The following ROBO2 variants were observed in gnomAD, a reference collection of about 807,000 sequenced individuals.
ROBO2 encodes roundabout guidance receptor 2, also known as roundabout homolog 2.
ROBO2 carries 53 observed loss-of-function variants against 160.8 expected under a neutral mutation model. The ratio of observed to expected loss-of-function variants is 0.33; its 90% CI spans 0.26 to 0.41. The LOEUF (loss-of-function observed/expected upper bound fraction) is 0.41, where lower values mean the gene tolerates loss of function less well. Ranked by LOEUF, ROBO2 falls within the 10% of genes least tolerant of loss-of-function variation. ROBO2 has a pLI of 1.00. For synonymous variants in ROBO2, 664 were observed against 611.7 expected (o/e 1.09, Z -1.26); for missense variants, 1,577 against 1,722.4 (o/e 0.92, Z 1.49).
intron 2 of ROBO2, among the ~76,000 whole-genome samples, chr3:77,475,576 A>G (rs925915541): frequency 2.0e-5 from 3 of 152,182 alleles, no homozygotes; most frequent in Admixed American, 6.5e-5. Context: ...CAGCTGTGCC[A>G]TTTTGGAACA....
chr3:77,251,456 T>A (rs779304127), intron 2 of ROBO2, among the ~76,000 whole-genome samples: 1 of 152,130 alleles, frequency 6.6e-6, no homozygotes, highest in African/African-American at 2.4e-5. Context: ...AAAACGTTGC[T>A]CTCAACGCCC....
chr3:76,810,276 C>T (rs140530019), intron 2 of ROBO2, among the ~76,000 whole-genome samples: 180 of 152,184 alleles, frequency 1.2e-3, no homozygotes, highest in African/African-American at 4.0e-3. Context: ...TTCAGTAACA[C>T]GGAGGAAGGT....
chr3:76,666,903 G>A (rs2092070962), intron 2 of ROBO2, among the ~76,000 whole-genome samples: 1 of 151,880 alleles, frequency 6.6e-6, no homozygotes, highest in African/African-American at 2.4e-5. Context: ...ATTTCATCAA[G>A]AGTTTACTGA....
At chr3:77,068,162 C>T (rs1172425501) in intron 1 of ROBO2, among the ~76,000 whole-genome samples, 1 of 152,006 alleles carries the variant, frequency 6.6e-6, no homozygotes, top group African/African-American at 2.4e-5. Context: ...AGAGGCTGCC[C>T]TTTATTTTTG....
At chr3:76,333,245 G>T (rs2108052656) in intron 2 of ROBO2, among the ~76,000 whole-genome samples, 1 of 152,274 alleles carries the variant, frequency 6.6e-6, no homozygotes, top group South Asian at 2.1e-4. Flanking sequence ...TGCCCGAGAA[G>T]GTTGTTGTGA....
intron 2 of ROBO2, among the ~76,000 whole-genome samples, chr3:76,888,004 A>G (rs759621075): frequency 3.3e-5 from 5 of 152,190 alleles, no homozygotes; most frequent in Non-Finnish European, 7.3e-5. Flanking sequence ...CTTTACCTAC[A>G]TTCGAATTAA....
intron 2 of ROBO2, among the ~76,000 whole-genome samples, chr3:76,869,890 C>T (rs563866860): frequency 6.6e-6 from 1 of 152,160 alleles, no homozygotes; most frequent in East Asian, 1.9e-4. Context: ...TAGAGGGGCC[C>T]TTTAACAATT....
At chr3:76,353,608 G>C (rs1433813312) in intron 2 of ROBO2, among the ~76,000 whole-genome samples, 2 of 151,842 alleles carry the variant, frequency 1.3e-5, no homozygotes, top group African/African-American at 4.8e-5. Flanking sequence ...AGCAGAAAAT[G>C]AAGAAGTCTA....
intron 2 of ROBO2, among the ~76,000 whole-genome samples, chr3:76,447,992 T>C (rs1042761096): frequency 6.6e-6 from 1 of 151,616 alleles, no homozygotes; most frequent in South Asian, 2.1e-4. Context: ...TGTATACATA[T>C]GTAACAAACC....
chr3:76,965,985 C>T lies in ROBO2; in HGVS notation c.110-132029C>T, dbSNP rs76227805. ...TTGCCCAGGCTGGAGTGCAATGGCGCGATCTTGGCTCACCACAACCTCCGC... is the reference window on the plus strand; with the variant it reads ...TTGCCCAGGCTGGAGTGCAATGGCGTGATCTTGGCTCACCACAACCTCCGC... On this transcript the variant is annotated intron_variant, in intron 2 of 26. Transcript: ENST00000487694. 4.0e-3 allele frequency among the ~76,000 whole-genome samples: 586 copies of T among 144,802 alleles called. 9 individuals are homozygous for T. The highest frequency in any genetic ancestry group is 0.036 in the East Asian group (176 of 4,894). The allele number at this position is 144,802 out of a possible 152,430, so 95.0% of individuals were successfully genotyped here.
At chr3:77,499,452 A>T (rs2087230904) in intron 5 of ROBO2, among the ~76,000 whole-genome samples, 1 of 152,164 alleles carries the variant, frequency 6.6e-6, no homozygotes, top group Non-Finnish European at 1.5e-5. Flanking sequence ...CAATGGATGC[A>T]CATACATGGT....
At chr3:76,034,801 G>A (rs2067049119) in intron 2 of ROBO2, among the ~76,000 whole-genome samples, 1 of 152,042 alleles carries the variant, frequency 6.6e-6, no homozygotes, top group Non-Finnish European at 1.5e-5. Flanking sequence ...CCTGGTTCCA[G>A]CTATCATTCA....
intron 18 of ROBO2, among the ~76,000 whole-genome samples, chr3:77,596,169 T>C (rs1041061443): frequency 1.8e-4 from 28 of 152,122 alleles, no homozygotes; most frequent in Non-Finnish European, 5.9e-5. Context: ...GTTCCTTGCC[T>C]CCAAATCAAG....
At chr3:76,796,794 A>G (rs1396472046) in intron 2 of ROBO2, among the ~76,000 whole-genome samples, 1 of 152,080 alleles carries the variant, frequency 6.6e-6, no homozygotes, top group Non-Finnish European at 1.5e-5. Flanking sequence ...AAGAGCAGGT[A>G]TATCTACATT....
At chr3:77,078,442 T>A (rs2149899646) in intron 1 of ROBO2, among the ~76,000 whole-genome samples, 1 of 152,312 alleles carries the variant, frequency 6.6e-6, no homozygotes, top group South Asian at 2.1e-4. Flanking sequence ...GTTAGCAATT[T>A]GCCCACAGTT....
intron 2 of ROBO2, among the ~76,000 whole-genome samples, chr3:76,795,912 G>A (rs1190607801): frequency 6.6e-6 from 1 of 152,054 alleles, no homozygotes; most frequent in Non-Finnish European, 1.5e-5. Context: ...ATTGATCCAT[G>A]GGTTGCAGAA....
intron 2 of ROBO2, among the ~76,000 whole-genome samples, chr3:76,608,112 A>G (rs966968091): frequency 2.0e-5 from 3 of 152,228 alleles, no homozygotes; most frequent in Non-Finnish European, 4.4e-5. Context: ...AAACTTTGCA[A>G]TATGTTATTA....
chr3:76,590,706 G>A (rs2086360958), intron 2 of ROBO2, among the ~76,000 whole-genome samples: 1 of 152,012 alleles, frequency 6.6e-6, no homozygotes, highest in Non-Finnish European at 1.5e-5. Flanking sequence ...AATAAGGAGT[G>A]TTTATATTTT....
intron 2 of ROBO2, among the ~76,000 whole-genome samples, chr3:77,148,690 T>A (rs1214006978): frequency 2.0e-5 from 3 of 152,130 alleles, no homozygotes; most frequent in Non-Finnish European, 4.4e-5. Context: ...TCAGATGAGG[T>A]CTTACAAATA....
Sources: gnomAD v4.1 joint callset for allele counts (sites outside exome capture counted in the v4.1 genomes callset) on GRCh38, gnomAD v4.1.1 for gene constraint, MANE v1.5 for transcripts, NCBI Gene and HGNC (gene_info 2026-07-23, HGNC 2026-07-21) for gene names.